The following ADAMTSL1 variants were observed in gnomAD, a reference collection of about 807,000 sequenced individuals.
ADAMTSL1 encodes ADAMTS like 1.
ADAMTSL1 carries 126 observed loss-of-function variants against 201.8 expected under a neutral mutation model. The observed-to-expected ratio is 0.62, with a 90% CI of 0.54 to 0.72. ADAMTSL1 has a LOEUF of 0.72. Among genes scored for constraint, ADAMTSL1 ranks in the 30% least tolerant of loss-of-function variants. ADAMTSL1 has a pLI of 0.00. For missense variants in ADAMTSL1, 2,679 were observed against 2,277.8 expected, an observed-to-expected ratio of 1.18 and a Z score of -3.59; for synonymous variants, 1,121 against 903.4, an observed-to-expected ratio of 1.24 and a Z score of -4.32.
chr9:18,200,666 G>C (rs1322694133), intron 2 of ADAMTSL1, among the ~76,000 whole-genome samples: 2 of 151,878 alleles, frequency 1.3e-5, no homozygotes. Flanking sequence ...ACCTTGTGAC[G>C]TATAAAGTAA....
At chr9:18,328,291 G>T (rs1260835806) in intron 2 of ADAMTSL1, among the ~76,000 whole-genome samples, 1 of 152,106 alleles carries the variant, frequency 6.6e-6, no homozygotes, top group Non-Finnish European at 1.5e-5. Context: ...TTAATGGCTG[G>T]AGCTGCCTGT....
chr9:18,682,332 T>A (rs1830556513), intron 12 of ADAMTSL1, among the ~76,000 whole-genome samples: 1 of 152,188 alleles, frequency 6.6e-6, no homozygotes, highest in Non-Finnish European at 1.5e-5. Flanking sequence ...CAAGTATGTC[T>A]ATTTTGCTAA....
intron 1 of ADAMTSL1, among the ~76,000 whole-genome samples, chr9:18,005,241 G>C (rs957524966): frequency 6.6e-6 from 1 of 152,054 alleles, no homozygotes; most frequent in Non-Finnish European, 1.5e-5. Context: ...CTATAGGGAA[G>C]AATGAGTGGC....
At chr9:18,705,160 G>A (rs185556467) in intron 13 of ADAMTSL1, among the ~76,000 whole-genome samples, 28 of 152,326 alleles carry the variant, frequency 1.8e-4, no homozygotes, top group Middle Eastern at 3.4e-3. Context: ...AACCAGATCT[G>A]AACCATTTGC....
At chr9:18,706,020 A>C (rs1024118124) in intron 13 of ADAMTSL1, among the ~76,000 whole-genome samples, 12 of 152,224 alleles carry the variant, frequency 7.9e-5, no homozygotes, top group African/African-American at 2.9e-4. Context: ...CAAGTTTATT[A>C]AAGTAAAGGA....
At chr9:18,186,877 A>C (rs1227481743) in intron 2 of ADAMTSL1, among the ~76,000 whole-genome samples, 2 of 151,872 alleles carry the variant, frequency 1.3e-5, no homozygotes, top group East Asian at 3.9e-4. Flanking sequence ...AAACACACAC[A>C]AACGTGAACA....
intron 2 of ADAMTSL1, among the ~76,000 whole-genome samples, chr9:18,254,611 C>T (rs1036432044): frequency 1.2e-4 from 18 of 151,782 alleles, no homozygotes; most frequent in African/African-American, 3.9e-4. Flanking sequence ...GATCCGCCCG[C>T]CTCGGCCTCC....
chr9:18,761,795 T>C (rs931334617), intron 16 of ADAMTSL1, among the ~76,000 whole-genome samples: 3 of 152,188 alleles, frequency 2.0e-5, no homozygotes, highest in Admixed American at 6.5e-5. Flanking sequence ...CTTTCATCAA[T>C]GCAAACACAC....
intron 1 of ADAMTSL1, among the ~76,000 whole-genome samples, chr9:17,921,779 G>A (rs369450502): frequency 2.0e-5 from 3 of 152,082 alleles, no homozygotes; most frequent in African/African-American, 7.2e-5. Flanking sequence ...TTTTTTTAGG[G>A]AAGAGATTCC....
intron 15 of ADAMTSL1, chr9:18,723,381 C>T (rs971661377): frequency 1.7e-5 from 7 of 422,938 alleles, no homozygotes; most frequent in East Asian, 9.7e-5. Flanking sequence ...GAGGCAGTGC[C>T]GAGGAGTCAG....
chr9:18,253,747 A>C (rs1427977792), intron 2 of ADAMTSL1, among the ~76,000 whole-genome samples: 1 of 152,138 alleles, frequency 6.6e-6, no homozygotes, highest in Non-Finnish European at 1.5e-5. Flanking sequence ...GCTTTAAAGA[A>C]ATTCTAGCTA....
At chr9:18,870,406 A>G (rs532563992) in intron 23 of ADAMTSL1, among the ~76,000 whole-genome samples, 1 of 152,196 alleles carries the variant, frequency 6.6e-6, no homozygotes. Flanking sequence ...TCTAGCCTCT[A>G]TCTTCCCTGC....
chr9:17,931,149 C>T (rs988053593), intron 1 of ADAMTSL1, among the ~76,000 whole-genome samples: 13 of 152,118 alleles, frequency 8.5e-5, no homozygotes, highest in Non-Finnish European at 1.9e-4. Flanking sequence ...CAATTGTAAC[C>T]GAGCTACGAC....
chr9:17,972,803 C>G (rs1420845562), intron 1 of ADAMTSL1, among the ~76,000 whole-genome samples: 1 of 143,548 alleles, frequency 7.0e-6, no homozygotes, highest in African/African-American at 2.6e-5. Context: ...GTTCCTATTT[C>G]TCCACATCCT....
chr9:18,047,453 C>T (rs1410534833), intron 1 of ADAMTSL1, among the ~76,000 whole-genome samples: 1 of 152,150 alleles, frequency 6.6e-6, no homozygotes, highest in Non-Finnish European at 1.5e-5. Context: ...GCAGCTTGAA[C>T]TGTCAATAAT....
intron 2 of ADAMTSL1, among the ~76,000 whole-genome samples, chr9:18,227,805 CATT>C (rs995769566): frequency 2.0e-5 from 3 of 152,106 alleles, no homozygotes; most frequent in Admixed American, 1.3e-4. Context: ...ATCATATCAT[CATT>C]GTTTCAGAAT....
At chr9:18,034,721 G>A (rs944392503) in intron 1 of ADAMTSL1, among the ~76,000 whole-genome samples, 1 of 151,920 alleles carries the variant, frequency 6.6e-6, no homozygotes, top group African/African-American at 2.4e-5. Context: ...CTCTGGCTTT[G>A]CCTCTCATTA....
At chr9:18,493,457 A>G (rs1227731169) in intron 1 of ADAMTSL1, among the ~76,000 whole-genome samples, 2 of 152,054 alleles carry the variant, frequency 1.3e-5, no homozygotes, top group African/African-American at 4.8e-5. Flanking sequence ...ATCCCAGCAC[A>G]CTCATCTTCA....
intron 4 of ADAMTSL1, among the ~76,000 whole-genome samples, chr9:18,593,356 A>G (rs1053990944): frequency 2.6e-5 from 4 of 151,954 alleles, no homozygotes; most frequent in Non-Finnish European, 5.9e-5. Flanking sequence ...CTAAGAAACT[A>G]TTTTTGTTTC....
Sources: allele counts gnomAD v4.1 joint callset (sites outside exome capture counted in the v4.1 genomes callset), GRCh38; gene constraint gnomAD v4.1.1; transcripts MANE v1.5; gene names NCBI Gene and HGNC (gene_info 2026-07-23, HGNC 2026-07-21).